Variants in CPED1 observed in about 807,000 individuals in gnomAD.
CPED1 encodes the protein cadherin like and PC-esterase domain containing 1.
A neutral mutation model predicts 128.2 loss-of-function variants in CPED1; 114 were observed. That is an observed-to-expected ratio of 0.89 (90% confidence interval 0.76 to 1.04). The LOEUF (loss-of-function observed/expected upper bound fraction) is 1.04. CPED1 is among the 50% of genes least tolerant of loss of function. The pLI is 0.00. For synonymous variants in CPED1, 462 were observed against 426.7 expected (o/e 1.08, Z -1.02); for missense variants, 1,211 against 1,207.1 (o/e 1.00, Z -0.05).
intron 2 of CPED1, among the ~76,000 whole-genome samples, chr7:120,991,367 A>G (rs948215568): frequency 2.0e-5 from 3 of 152,170 alleles, no homozygotes; most frequent in African/African-American, 7.2e-5. Context: ...GTTGTTGTTC[A>G]TTTATACTAG....
At chr7:121,006,690 T>A (rs1271996736) in intron 2 of CPED1, among the ~76,000 whole-genome samples, 1 of 152,190 alleles carries the variant, frequency 6.6e-6, no homozygotes, top group Admixed American at 6.5e-5. Flanking sequence ...TGTCTTATTC[T>A]TACAGACATA....
intron 16 of CPED1, among the ~76,000 whole-genome samples, chr7:121,198,449 T>C (rs1422049844): frequency 6.6e-6 from 1 of 152,148 alleles, no homozygotes. Flanking sequence ...TTTCCTCAGA[T>C]GGCAAGTGTG....
intron 4 of CPED1, 35 bp from the exon 5 acceptor site, chr7:121,064,203 G>T: frequency 7.1e-7 from 1 of 1,409,390 alleles, no homozygotes; most frequent in Non-Finnish European, 1.0e-6. Context: ...GTTGATGAAT[G>T]CCTCACTCAC....
chr7:121,171,706 G>T (rs559531289), intron 16 of CPED1, among the ~76,000 whole-genome samples: 59 of 152,168 alleles, frequency 3.9e-4, no homozygotes, highest in African/African-American at 1.0e-3. Context: ...TTCTTTCCCA[G>T]ACTTTTCCTA....
chr7:121,111,469 G>C (rs779551444), intron 7 of CPED1, among the ~76,000 whole-genome samples: 4 of 152,058 alleles, frequency 2.6e-5, no homozygotes, highest in Non-Finnish European at 5.9e-5. Context: ...CCATAAAATT[G>C]GGTTATTTTC....
Position 121,267,583 on chromosome 7 carries a change from A to G in CPED1, c.2721+281A>G, listed in dbSNP as rs2691033. On this transcript the variant is annotated intron_variant, in intron 21 of 22. Coordinates refer to ENST00000310396, the MANE Select transcript of CPED1 (RefSeq NM_024913.5). ...TGGTCTTTTTGAAGATGATTTCCAA[A>G]TGATTGCTTTATTTTAAAAATAGTC... Among the ~76,000 whole-genome samples the G allele has an allele frequency of 7.7e-3, 1,162 of 151,674 alleles. 20 individuals carry two copies. Among genetic ancestry groups the G allele is most frequent in the African/African-American group, 0.027 (1,097 of 41,376 alleles).
At chr7:121,216,607 A>G (rs1354855352) in intron 16 of CPED1, among the ~76,000 whole-genome samples, 1 of 151,948 alleles carries the variant, frequency 6.6e-6, no homozygotes, top group Non-Finnish European at 1.5e-5. Context: ...ATAGAACTCT[A>G]TATAGAACCC....
chr7:121,063,401 A>AAAAAAAAAC (rs1793735067), intron 4 of CPED1, among the ~76,000 whole-genome samples: 1 of 150,764 alleles, frequency 6.6e-6, no homozygotes, highest in African/African-American at 2.4e-5. Flanking sequence ...AAAAAAAAAA[A>AAAAAAAAAC]AGCAAATGAT....
chr7:121,031,843 A>AT (rs1189375472), intron 3 of CPED1, among the ~76,000 whole-genome samples: 2 of 152,246 alleles, frequency 1.3e-5, no homozygotes, highest in Admixed American at 1.3e-4. Context: ...TGTATATATG[A>AT]ATACACAGTT....
At chr7:121,279,594 G>A (rs1014902587) in intron 22 of CPED1, among the ~76,000 whole-genome samples, 5 of 152,268 alleles carry the variant, frequency 3.3e-5, no homozygotes, top group African/African-American at 1.2e-4. Flanking sequence ...AGCTGTGAGT[G>A]AGGCATACTT....
chr7:121,241,793 T>C (rs1465180897), intron 17 of CPED1, among the ~76,000 whole-genome samples: 1 of 152,184 alleles, frequency 6.6e-6, no homozygotes, highest in East Asian at 1.9e-4. Context: ...ATAAAATATA[T>C]ATGTTGACTA....
Position 121,027,907 on chromosome 7 carries a change from T to A in CPED1, c.433+12059T>A, listed in dbSNP as rs909894873. Among the ~76,000 whole-genome samples, 5 of 152,208 alleles carry A rather than the reference T, an allele frequency of 3.3e-5. No homozygotes were observed. In the East Asian group the frequency reaches 9.7e-4, roughly 29 times the overall value. Reference sequence around the variant, plus strand: ...AAAAAATCTTGTTTAACATTCCACCTCCTTATCAGAGTCACTAAACAAGCG... The same window carrying A: ...AAAAAATCTTGTTTAACATTCCACCACCTTATCAGAGTCACTAAACAAGCG... On this transcript the variant is annotated intron_variant, in intron 3 of 22. Transcript: ENST00000310396.
intron 16 of CPED1, among the ~76,000 whole-genome samples, chr7:121,209,460 A>C (rs930247945): frequency 6.6e-6 from 1 of 152,076 alleles, no homozygotes; most frequent in South Asian, 2.1e-4. Flanking sequence ...AAACTATAAA[A>C]ATTTGTTTGT....
At chr7:121,159,204 C>T (rs1401944856) in intron 16 of CPED1, among the ~76,000 whole-genome samples, 1 of 152,120 alleles carries the variant, frequency 6.6e-6, no homozygotes. Flanking sequence ...ATAAAGATTT[C>T]ACTTTTTATT....
intron 14 of CPED1, among the ~76,000 whole-genome samples, chr7:121,140,584 C>A (rs988423241): frequency 6.6e-6 from 1 of 151,916 alleles, no homozygotes; most frequent in African/African-American, 2.4e-5. Context: ...GCAGAAAATA[C>A]CATCTATATA....
intron 16 of CPED1, 45 bp downstream of exon 16, chr7:121,142,186 C>T (rs764333577): frequency 6.9e-7 from 1 of 1,458,618 alleles, no homozygotes. Flanking sequence ...TGGGAATGAT[C>T]TGTTAACCCA....
At chr7:121,066,074 T>C (rs893715254) in intron 5 of CPED1, among the ~76,000 whole-genome samples, 3 of 152,158 alleles carry the variant, frequency 2.0e-5, no homozygotes, top group African/African-American at 7.2e-5. Flanking sequence ...TTGTGAATAC[T>C]GAATATTTAA....
chr7:121,012,012 A>C (rs1792173133), intron 2 of CPED1, among the ~76,000 whole-genome samples: 1 of 152,214 alleles, frequency 6.6e-6, no homozygotes, highest in Non-Finnish European at 1.5e-5. Context: ...CTCATATAGT[A>C]GGATTTGTTA....
At position 121,125,802 on chromosome 7, in the gene CPED1, C is replaced by T; in HGVS notation, c.1062-18C>T. ...GCATGTATCTTTACTTTTATGGTAC[C>T]TTGTGTTTTCATTTTAGATGCAGAT... On this transcript the variant is annotated intron_variant, in intron 8 of 22. Transcript: ENST00000310396. 2 of 1,588,508 alleles carry T rather than the reference C, an allele frequency of 1.3e-6. No homozygotes were observed. Among genetic ancestry groups the T allele is most frequent in the Non-Finnish European group, 1.7e-6 (2 of 1,157,686 alleles).
Sources: allele counts gnomAD v4.1 joint callset (sites outside exome capture counted in the v4.1 genomes callset), GRCh38; gene constraint gnomAD v4.1.1; transcripts MANE v1.5; gene names NCBI Gene and HGNC (gene_info 2026-07-23, HGNC 2026-07-21).